The following CHD7 variants were observed in gnomAD, a reference collection of about 807,000 sequenced individuals.
CHD7 encodes chromodomain helicase DNA binding protein 7.
A neutral mutation model predicts 307.3 loss-of-function variants in CHD7; 24 were observed. That is an observed-to-expected ratio of 0.08 (90% confidence interval 0.06 to 0.11). CHD7 has a LOEUF of 0.11. Among genes scored for constraint, CHD7 ranks in the 10% least tolerant of loss-of-function variants. The probability of loss-of-function intolerance (pLI) is 1.00; values close to 1 mark genes in which losing one functional copy is unlikely to be tolerated. For synonymous variants in CHD7, 1,363 were observed against 1,349.9 expected, an observed-to-expected ratio of 1.01 and a Z score of -0.21; for missense variants, 3,106 against 3,727.1, an observed-to-expected ratio of 0.83 and a Z score of 4.34.
chr8:60,828,391 GTGA>G (rs965371411), intron 13 of CHD7, among the ~76,000 whole-genome samples: 10 of 152,150 alleles, frequency 6.6e-5, no homozygotes, highest in African/African-American at 1.9e-4. Flanking sequence ...TTAAAAAGCC[GTGA>G]TACTAAAATA....
Position 60,865,548 on chromosome 8 carries a change from C to T in CHD7, c.8609C>T (p.Ala2870Val), listed in dbSNP as rs745469585. Residue 2870 changes from alanine (A) to valine (V), a missense_variant, in exon 38 of 38, where the codon GCG becomes GTG. Ala to Val is a moderately conservative substitution (Grantham distance 64). This residue lies in a region of CHD7 where 351 missense variants were observed against 366.2 expected (regional missense o/e 0.96). Transcript: ENST00000423902. The surrounding 1 kb of genome is among the most constrained non-coding windows in gnomAD (Gnocchi z 4.3). ...GATGCTGTTTCGGCTGCTGACTCTG[C>T]GAATGGATCTGTTGGTGCTGCTACT... ...STDAVSAADS[A>V]NGSVGAATAP... 1.5e-5 allele frequency: 24 copies of T among 1,614,064 alleles called. No homozygotes were observed. Among genetic ancestry groups the T allele is most frequent in the East Asian group, 6.7e-5 (3 of 44,890 alleles).
At chr8:60,822,168 C>G in intron 11 of CHD7, 23 bp downstream of exon 11, 1 of 1,593,070 alleles carries the variant, frequency 6.3e-7, no homozygotes, top group Admixed American at 1.7e-5. Flanking sequence ...AGTTTTTCTT[C>G]ACTTTTAAAT....
chr8:60,802,074 G>A lies in CHD7; in HGVS notation c.2442+481G>A, dbSNP rs141367852. Among the ~76,000 whole-genome samples the A allele has an allele frequency of 3.4e-3, 517 of 152,220 alleles. 5 individuals are homozygous for A. Among genetic ancestry groups the A allele is most frequent in the African/African-American group, 0.012 (493 of 41,526 alleles). ...TAGTGTCTTTCTTGCCAGTGCAAAGGTGAAATACAGGTCTATTTTCAGTGT... is the reference window on the plus strand; with the variant it reads ...TAGTGTCTTTCTTGCCAGTGCAAAGATGAAATACAGGTCTATTTTCAGTGT... On this transcript the variant is annotated intron_variant, in intron 6 of 37. Transcript: ENST00000423902.
At chr8:60,846,300 A>T (rs139620124) in intron 23 of CHD7, among the ~76,000 whole-genome samples, 1 of 152,266 alleles carries the variant, frequency 6.6e-6, no homozygotes, top group East Asian at 1.9e-4. Flanking sequence ...ATATTACCTC[A>T]GTTGCTGGGT....
At chr8:60,786,799 G>C (rs917989404) in intron 3 of CHD7, among the ~76,000 whole-genome samples, 1 of 152,196 alleles carries the variant, frequency 6.6e-6, no homozygotes, top group Non-Finnish European at 1.5e-5. Context: ...ATGAAGTGCT[G>C]TTGAAAAATG....
intron 1 of CHD7, among the ~76,000 whole-genome samples, chr8:60,739,054 G>A (rs1808856262): frequency 6.6e-6 from 1 of 152,104 alleles, no homozygotes; most frequent in Non-Finnish European, 1.5e-5. Context: ...AGCTTGATCT[G>A]ACTCTGCCTC....
chr8:60,839,534 C>A (rs1036728830), intron 19 of CHD7, among the ~76,000 whole-genome samples: 1 of 152,092 alleles, frequency 6.6e-6, no homozygotes, highest in Non-Finnish European at 1.5e-5. Context: ...GTACTAGTTT[C>A]CTTCCAAGTC....
At chr8:60,840,835 C>G (rs1017922634) in intron 19 of CHD7, among the ~76,000 whole-genome samples, 1 of 152,130 alleles carries the variant, frequency 6.6e-6, no homozygotes, top group Admixed American at 6.5e-5. Context: ...CCAGGCTGGT[C>G]TCAAACTCCT....
chr8:60,859,869 G>A (rs774721311), intron 34 of CHD7, among the ~76,000 whole-genome samples: 1 of 152,162 alleles, frequency 6.6e-6, no homozygotes, highest in Admixed American at 6.5e-5. Flanking sequence ...GAAAAAAATA[G>A]GAGAGTGATG....
intron 2 of CHD7, among the ~76,000 whole-genome samples, chr8:60,765,865 C>T (rs1810449566): frequency 6.6e-6 from 1 of 152,104 alleles, no homozygotes; most frequent in Non-Finnish European, 1.5e-5. Context: ...TAGCAGGAGA[C>T]TGTGCCATGC....
intron 1 of CHD7, among the ~76,000 whole-genome samples, chr8:60,733,351 A>G (rs918464331): frequency 1.3e-5 from 2 of 152,150 alleles, no homozygotes; most frequent in African/African-American, 4.8e-5. Context: ...CTCTTTTGCC[A>G]TACAATGTTG....
At position 60,866,857 on chromosome 8, in the gene CHD7, G is replaced by A. The variant is rs1806259692; in HGVS notation, c.*924G>A. The A allele has an allele frequency of 6.6e-6, 1 of 152,572 alleles. No individual in the cohort carries two copies. The highest frequency in any genetic ancestry group is 2.4e-5 in the African/African-American group (1 of 41,420). 9.5% of individuals were successfully genotyped at this position (152,572 alleles called of 1,614,324 possible). A position where few individuals can be genotyped will look rare whatever the true frequency, so the allele number is the denominator to read the frequency against. On this transcript the variant is annotated 3_prime_UTR_variant, in exon 38 of 38. Transcript: ENST00000423902. ...GATAAAATGTAAATTGCTGCCAACTGTAGTAATGATGCTTTTAATAAAAGT... is the reference window on the plus strand; with the variant it reads ...GATAAAATGTAAATTGCTGCCAACTATAGTAATGATGCTTTTAATAAAAGT...
chr8:60,865,895 G>A lies in CHD7; in HGVS notation c.8956G>A (p.Gly2986Arg). Residue 2986 changes from glycine to arginine, a missense_variant, in exon 38 of 38, where the codon GGG becomes AGG. This residue lies in a region of CHD7 where 351 missense variants were observed against 366.2 expected (regional missense o/e 0.96). Transcript: ENST00000423902. The surrounding 1 kb of genome is among the most constrained non-coding windows in gnomAD (Gnocchi z 4.3). Reference sequence around the variant, plus strand: ...GGGTGAAGAGCTAGACTCACTTGATGGGGGGGATGAAATAGAAAACAATGA... The same window carrying A: ...GGGTGAAGAGCTAGACTCACTTGATAGGGGGGATGAAATAGAAAACAATGA... ...AQGEELDSLD[G>R]GDEIENNEND... The A allele has an allele frequency of 6.2e-7, 1 of 1,608,364 alleles. No individual in the cohort carries two copies. The highest frequency in any genetic ancestry group is 2.2e-5 in the East Asian group (1 of 44,834).
At chr8:60,840,527 A>T (rs527260917) in intron 19 of CHD7, among the ~76,000 whole-genome samples, 1 of 151,908 alleles carries the variant, frequency 6.6e-6, no homozygotes, top group South Asian at 2.1e-4. Context: ...TTTTGGGATG[A>T]TATCTCACTA....
At position 60,741,589 on chromosome 8, in the gene CHD7, T is replaced by A. The variant is rs1225403740; in HGVS notation, c.157T>A (p.Ser53Thr). The change falls in exon 2 of 38, where the codon TCC (serine) becomes ACC (threonine). Residue 53 changes from serine to threonine, a missense_variant. By Grantham distance (58) the Ser-to-Thr change is moderately conservative. This residue lies in a region of CHD7 where 998 missense variants were observed against 1,004.5 expected (regional missense o/e 0.99). Transcript: ENST00000423902. ...IDQGFASLQP[S>T]LHHPSTNQNQ... ...CCAAGGCTTTGCCTCTTTACAGCCATCCCTTCATCATCCTTCAACTAATCA... is the reference window on the plus strand; with the variant it reads ...CCAAGGCTTTGCCTCTTTACAGCCAACCCTTCATCATCCTTCAACTAATCA... 3.7e-6 allele frequency: 6 copies of A among 1,613,790 alleles called. No homozygotes were observed. Among genetic ancestry groups the A allele is most frequent in the Non-Finnish European group, 3.4e-6 (4 of 1,179,792 alleles).
intron 2 of CHD7, among the ~76,000 whole-genome samples, chr8:60,748,509 G>A (rs1005237454): frequency 6.6e-6 from 1 of 152,188 alleles, no homozygotes; most frequent in African/African-American, 2.4e-5. Flanking sequence ...GAAGAGGGTG[G>A]AGAGGGGGTG....
intron 2 of CHD7, among the ~76,000 whole-genome samples, chr8:60,765,274 TACAC>T (rs34068675): frequency 2.6e-5 from 4 of 151,084 alleles, no homozygotes; most frequent in South Asian, 2.1e-4. Flanking sequence ...TATATGTGCA[TACAC>T]ACACACCCCA....
At chr8:60,856,336 A>T (rs948314950) in intron 33 of CHD7, 109 bp from the exon 34 acceptor site, 1 of 1,272,298 alleles carries the variant, frequency 7.9e-7, no homozygotes, top group African/African-American at 1.5e-5. Flanking sequence ...TGCACCAGTC[A>T]TGAATGCTTA....
chr8:60,795,108 A>T lies in CHD7; in HGVS notation c.2219A>T (p.Asp740Val), dbSNP rs761748737. Residue 740 changes from aspartate to valine, a missense_variant, in exon 4 of 38, where the codon GAT (aspartate) becomes GTT (valine). By Grantham distance (152) the Asp-to-Val change is radical. Coordinates refer to ENST00000423902, the MANE Select transcript of CHD7 (RefSeq NM_017780.4). ...TPPPSPPPEE[D>V]EDPGVQKRRS... ...CCACCATCTCCTCCTCCTGAAGAAG[A>T]TGAGGACCCAGGTGTTCAGGTAATA... The T allele has an allele frequency of 6.2e-7, 1 of 1,613,600 alleles. No individual in the cohort carries two copies.
Sources: gnomAD v4.1 joint callset for allele counts (sites outside exome capture counted in the v4.1 genomes callset) on GRCh38, gnomAD v4.1.1 for gene constraint, gnomAD v4.1.1 regional missense constraint, Gnocchi (gnomAD v3.1) non-coding constraint, MANE v1.5 for transcripts, NCBI Gene and HGNC (gene_info 2026-07-23, HGNC 2026-07-21) for gene names.